The following REV1 variants were observed in gnomAD, a reference collection of about 807,000 sequenced individuals.
The protein encoded by REV1 is REV1 DNA directed polymerase.
In REV1, 42 loss-of-function variants were observed where a neutral mutation model predicts 137.4. The ratio of observed to expected loss-of-function variants is 0.31; its 90% CI spans 0.24 to 0.40. The LOEUF (loss-of-function observed/expected upper bound fraction) is 0.40, where lower values mean the gene tolerates loss of function less well. Ranked by LOEUF, REV1 falls within the 10% of genes least tolerant of loss-of-function variation. The pLI, the probability that REV1 is intolerant of heterozygous loss-of-function variation, is 1.00. For missense variants in REV1, 1,282 were observed against 1,490.1 expected (o/e 0.86, Z 2.30); for synonymous variants, 524 against 519.2 (o/e 1.01, Z -0.12).
Position 99,439,121 on chromosome 2 carries a change from G to C in REV1, c.693C>G (p.Ser231Arg). The C allele has an allele frequency of 5.0e-6, 8 of 1,614,124 alleles. No homozygotes were observed. The highest frequency in any genetic ancestry group is 6.8e-6 in the Non-Finnish European group (8 of 1,180,008). The change falls in exon 6 of 23, where the codon AGC becomes AGG. Residue 231 changes from serine (S) to arginine (R), a missense_variant. Physicochemically the swap from Ser to Arg is moderately radical, Grantham distance 110. Around this residue, in one of 7 missense-constraint regions of REV1, gnomAD observed 432 missense variants for 438.0 expected, o/e 0.99. Coordinates refer to ENST00000258428, the MANE Select transcript of REV1 (RefSeq NM_016316.4). ...STAIFNGHTP[S>R]SNGALKTQDC... ...CCTGTGTCTTTAAGGCACCATTAGA[G>C]CTAGGAGTGTGTCCATTAAAAATGG...
intron 3 of REV1, among the ~76,000 whole-genome samples, chr2:99,461,070 A>G (rs1360107504): frequency 2.0e-5 from 3 of 152,230 alleles, no homozygotes; most frequent in Non-Finnish European, 4.4e-5. Context: ...CAGGAAGTCC[A>G]CAGAGCTTGA....
At chr2:99,433,108 C>T (rs1680322429) in intron 8 of REV1, among the ~76,000 whole-genome samples, 1 of 152,100 alleles carries the variant, frequency 6.6e-6, no homozygotes, top group South Asian at 2.1e-4. Flanking sequence ...GTATTGTGTA[C>T]TTCCTTAAGC....
At chr2:99,484,193 A>G (rs921149328) in intron 1 of REV1, among the ~76,000 whole-genome samples, 7 of 152,178 alleles carry the variant, frequency 4.6e-5, no homozygotes, top group Non-Finnish European at 8.8e-5. Flanking sequence ...ATGAACGCAA[A>G]GAAGGGAGCA....
At chr2:99,465,187 CAT>C (rs28369940) in intron 1 of REV1, among the ~76,000 whole-genome samples, 24,715 of 152,102 alleles carry the variant, frequency 0.16, 2,504 homozygotes, top group African/African-American at 0.27. Context: ...CCCTCCTACA[CAT>C]GTTTAAATTG....
At chr2:99,424,626 G>C in intron 9 of REV1, 1 of 567,486 alleles carries the variant, frequency 1.8e-6, no homozygotes, top group Non-Finnish European at 2.7e-6. Flanking sequence ...CACAGAGCAG[G>C]AATATGCTGT....
intron 9 of REV1, among the ~76,000 whole-genome samples, chr2:99,428,145 T>C (rs145327202): frequency 6.6e-6 from 1 of 152,208 alleles, no homozygotes; most frequent in East Asian, 1.9e-4. Flanking sequence ...GAGGCAGCCT[T>C]AGCAAGGGTA....
At chr2:99,463,433 C>T (rs868374012) in intron 2 of REV1, among the ~76,000 whole-genome samples, 9 of 151,890 alleles carry the variant, frequency 5.9e-5, no homozygotes, top group African/African-American at 7.2e-5. Flanking sequence ...GCAGGAGAAT[C>T]GCTTGAACCC....
chr2:99,442,020 A>G (rs1681546078), intron 5 of REV1, among the ~76,000 whole-genome samples: 1 of 151,730 alleles, frequency 6.6e-6, no homozygotes, highest in Non-Finnish European at 1.5e-5. Context: ...TTGGGAGGCC[A>G]AGGAAGGTAG....
In REV1 at chr2:99,422,915, C is replaced by T. The variant is rs1014394087; in HGVS notation, c.1676+1237G>A. ...CAGTCACCCATCCCTATCTAGCCCT[C>T]GTTTGGATGCTACCACTGACTTCCT... On this transcript the variant is annotated intron_variant, in intron 10 of 22. Transcript: ENST00000258428. 1.4e-4 allele frequency among the ~76,000 whole-genome samples: 21 copies of T among 152,174 alleles called. 1 individual carries two copies. The highest frequency in any genetic ancestry group is 4.3e-4 in the African/African-American group (18 of 41,434).
chr2:99,470,693 A>G (rs1386442024), intron 1 of REV1, among the ~76,000 whole-genome samples: 4 of 152,180 alleles, frequency 2.6e-5, no homozygotes, highest in Non-Finnish European at 4.4e-5. Flanking sequence ...CTCTTTTAAA[A>G]CAAGATTGGC....
chr2:99,437,463 T>C (rs561216071), intron 6 of REV1, among the ~76,000 whole-genome samples: 44 of 152,340 alleles, frequency 2.9e-4, no homozygotes, highest in South Asian at 1.4e-3. Context: ...CAAAGCCAGA[T>C]ACTTCCTTAC....
intron 1 of REV1, among the ~76,000 whole-genome samples, chr2:99,476,211 T>C (rs6707685): frequency 0.033 from 4,957 of 151,982 alleles, 210 homozygotes; most frequent in African/African-American, 0.098. Flanking sequence ...TCCTTTCTTT[T>C]CCCCCCCTTC....
rs1355904420 is a variant in REV1 at position 99,403,113 on chromosome 2, G to A, written c.3167-7C>T. ...AGTAAAGGATTCTTTGGCACTAAGA[G>A]CAGATGGATATAAGATCCTCAACAA... On this transcript the variant is annotated splice_region_variant and splice_polypyrimidine_tract_variant and intron_variant, in intron 19 of 22. Transcript: ENST00000258428. 2 of 1,581,160 alleles carry A rather than the reference G, an allele frequency of 1.3e-6. No homozygotes were observed. Among genetic ancestry groups the A allele is most frequent in the Non-Finnish European group, 1.7e-6 (2 of 1,161,598 alleles).
chr2:99,425,475 A>G (rs1679216322), intron 9 of REV1, among the ~76,000 whole-genome samples: 1 of 152,186 alleles, frequency 6.6e-6, no homozygotes. Flanking sequence ...AAATAAAGCA[A>G]ACTCCATGAC....
At position 99,405,954 on chromosome 2, in the gene REV1, G is replaced by A. The variant is rs761339709; in HGVS notation, c.2767C>T (p.Gln923Ter). Residue 923 changes from glutamine (Q) to a stop codon, truncating the protein, a stop_gained, in exon 17 of 23, where the codon CAG (glutamine) becomes TAG (stop). Coordinates refer to ENST00000258428, the MANE Select transcript of REV1 (RefSeq NM_016316.4). LOFTEE classifies it high-confidence loss of function. The stretch of plus-strand genomic sequence containing the variant: ...TCTATACTCAGGTTAAGTCTCGACT[G>A]CACACTGACAGGAGTATGTAGACCA... ...WNGLHTPVSV[Q>*]SRLNLSIEVP... 1 of 1,610,950 alleles carries A rather than the reference G, an allele frequency of 6.2e-7. No individual in the cohort carries two copies. Among genetic ancestry groups the A allele is most frequent in the Non-Finnish European group, 8.5e-7 (1 of 1,178,460 alleles).
At chr2:99,473,815 TAC>T (rs1157023670) in intron 1 of REV1, among the ~76,000 whole-genome samples, 7 of 152,240 alleles carry the variant, frequency 4.6e-5, no homozygotes, top group Non-Finnish European at 8.8e-5. Flanking sequence ...CAGGTTTTGG[TAC>T]ATAAGCCTTT....
At chr2:99,468,160 A>G (rs1000292705) in intron 1 of REV1, among the ~76,000 whole-genome samples, 1 of 149,868 alleles carries the variant, frequency 6.7e-6, no homozygotes, top group African/African-American at 2.5e-5. Context: ...AGCCTGGGCA[A>G]CAAGAGCGAA....
intron 6 of REV1, among the ~76,000 whole-genome samples, chr2:99,438,298 T>C (rs1681023579): frequency 6.6e-6 from 1 of 152,200 alleles, no homozygotes; most frequent in South Asian, 2.1e-4. Context: ...AGATGTTATA[T>C]TAACACAGTT....
At chr2:99,466,058 C>CA (rs1303297771) in intron 1 of REV1, among the ~76,000 whole-genome samples, 1 of 152,054 alleles carries the variant, frequency 6.6e-6, no homozygotes, top group Non-Finnish European at 1.5e-5. Context: ...TCTCCTGCCT[C>CA]AGACTCCCGA....
Sources: allele counts gnomAD v4.1 joint callset (sites outside exome capture counted in the v4.1 genomes callset), GRCh38; gene constraint gnomAD v4.1.1; regional missense constraint gnomAD v4.1.1; transcripts MANE v1.5; gene names NCBI Gene and HGNC (gene_info 2026-07-23, HGNC 2026-07-21).